The following KAZN variants were observed in gnomAD, a reference collection of about 807,000 sequenced individuals.
The protein encoded by KAZN is kazrin.
A neutral mutation model predicts 87.4 loss-of-function variants in KAZN; 40 were observed. The ratio of observed to expected loss-of-function variants is 0.46; its 90% CI spans 0.36 to 0.60. KAZN has a LOEUF of 0.60. Ranked by LOEUF, KAZN falls within the 20% of genes least tolerant of loss-of-function variation. The pLI is 0.00. For missense variants in KAZN, 898 were observed against 1,073.9 expected, an observed-to-expected ratio of 0.84 and a Z score of 2.29; for synonymous variants, 466 against 458.3, an observed-to-expected ratio of 1.02 and a Z score of -0.22.
At chr1:14,885,585 C>T (rs574041461) in intron 1 of KAZN, among the ~76,000 whole-genome samples, 6 of 152,156 alleles carry the variant, frequency 3.9e-5, no homozygotes, top group Admixed American at 1.3e-4. Flanking sequence ...TAGGTTCAAG[C>T]GATCCTCCCA....
chr1:14,805,551 G>T (rs969160650), intron 1 of KAZN, among the ~76,000 whole-genome samples: 2 of 152,076 alleles, frequency 1.3e-5, no homozygotes, highest in African/African-American at 2.4e-5. Flanking sequence ...CTGAGGTCAG[G>T]AGTTCGAGAC....
chr1:14,326,716 T>C (rs1371629361), intron 2 of KAZN, among the ~76,000 whole-genome samples: 1 of 152,210 alleles, frequency 6.6e-6, no homozygotes, highest in African/African-American at 2.4e-5. Context: ...GACCCCTGAA[T>C]GTCCCTTAAT....
At chr1:14,321,797 A>G (rs897095299) in intron 2 of KAZN, among the ~76,000 whole-genome samples, 2 of 152,174 alleles carry the variant, frequency 1.3e-5, no homozygotes, top group Admixed American at 1.3e-4. Flanking sequence ...AAGAGAGCAC[A>G]TTTCCTACTA....
chr1:14,211,590 G>A (rs1012772890), intron 2 of KAZN, among the ~76,000 whole-genome samples: 15 of 152,028 alleles, frequency 9.9e-5, no homozygotes, highest in African/African-American at 1.7e-4. Flanking sequence ...ATACATTGAC[G>A]GCAGAGAACT....
intron 2 of KAZN, among the ~76,000 whole-genome samples, chr1:14,343,065 C>T (rs571475856): frequency 7.2e-5 from 11 of 152,150 alleles, no homozygotes; most frequent in Admixed American, 2.6e-4. Context: ...CACTTGAACC[C>T]GGGAGGCGGA....
chr1:14,289,612 G>A (rs764736495), intron 2 of KAZN, among the ~76,000 whole-genome samples: 2 of 151,916 alleles, frequency 1.3e-5, no homozygotes, highest in Non-Finnish European at 2.9e-5. Context: ...ATAGCACACT[G>A]TTGGGTCTTG....
chr1:14,478,928 C>A (rs1035934406), intron 2 of KAZN, among the ~76,000 whole-genome samples: 3 of 152,166 alleles, frequency 2.0e-5, no homozygotes, highest in African/African-American at 7.2e-5. Context: ...GAAAATAATT[C>A]AGGGAAGAAG....
At chr1:14,249,899 ACTT>A (rs55886722) in intron 2 of KAZN, among the ~76,000 whole-genome samples, 15,380 of 152,016 alleles carry the variant, frequency 0.1, 1,630 homozygotes, top group African/African-American at 0.25. Flanking sequence ...TTAGGCAGAA[ACTT>A]CTTCTTCTGC....
chr1:14,118,110 G>A (rs6691343), intron 1 of KAZN, among the ~76,000 whole-genome samples: 18,640 of 152,066 alleles, frequency 0.12, 1,742 homozygotes, highest in African/African-American at 0.26. Context: ...GCTTTGGAGG[G>A]CAGCTCACAG....
chr1:14,655,038 C>G (rs1014926429), intron 1 of KAZN, among the ~76,000 whole-genome samples: 2 of 152,192 alleles, frequency 1.3e-5, no homozygotes, highest in African/African-American at 4.8e-5. Flanking sequence ...GCCTGTTAAG[C>G]TGTTGGGCCC....
At chr1:14,823,171 C>T (rs1433482088) in intron 1 of KAZN, among the ~76,000 whole-genome samples, 1 of 152,220 alleles carries the variant, frequency 6.6e-6, no homozygotes, top group Non-Finnish European at 1.5e-5. Context: ...GCCTCGGCCA[C>T]ACATGGGCAG....
chr1:14,085,171 C>T (rs1278910233), intron 1 of KAZN, among the ~76,000 whole-genome samples: 1 of 152,184 alleles, frequency 6.6e-6, no homozygotes, highest in Non-Finnish European at 1.5e-5. Flanking sequence ...TCTCTGAGAA[C>T]CACAGTGGTT....
At chr1:15,018,767 A>G (rs1368966275) in intron 2 of KAZN, among the ~76,000 whole-genome samples, 1 of 152,096 alleles carries the variant, frequency 6.6e-6, no homozygotes, top group Non-Finnish European at 1.5e-5. Context: ...GAATGCCAGA[A>G]GTAGACAGAC....
chr1:14,513,704 G>A (rs1424762084), intron 2 of KAZN, among the ~76,000 whole-genome samples: 1 of 152,048 alleles, frequency 6.6e-6, no homozygotes, highest in East Asian at 1.9e-4. Flanking sequence ...TTTAAAATTG[G>A]GACCTTATTT....
At position 14,675,008 on chromosome 1, in the gene KAZN, G is replaced by C. The variant is rs181103461; in HGVS notation, c.226+75785G>C. ...TTACTGTGTTGCCCAGGTTGGTCAGGATAATTTTATCTTCAAGGCTCCCAC... is the reference window on the plus strand; with the variant it reads ...TTACTGTGTTGCCCAGGTTGGTCAGCATAATTTTATCTTCAAGGCTCCCAC... On this transcript the variant is annotated intron_variant, in intron 1 of 14. Coordinates refer to ENST00000376030, the MANE Select transcript of KAZN (RefSeq NM_201628.3). 1.4e-3 allele frequency among the ~76,000 whole-genome samples: 210 copies of C among 152,290 alleles called. 1 individual carries two copies. The highest frequency in any genetic ancestry group is 9.8e-4 in the Non-Finnish European group (67 of 68,030).
At chr1:14,268,242 G>T (rs1281714259) in intron 2 of KAZN, among the ~76,000 whole-genome samples, 1 of 152,172 alleles carries the variant, frequency 6.6e-6, no homozygotes, top group Non-Finnish European at 1.5e-5. Context: ...ACAGTGCCTG[G>T]TACATAGTGC....
In KAZN at chr1:14,098,021, G is replaced by A. The variant is rs142154830; in HGVS notation, c.92-82414G>A. On this transcript the variant is annotated intron_variant, in intron 1 of 16. Transcript: ENST00000636203. ...CTCATTGAATCTTCACCACAACCTT[G>A]GAAGGTAGGATTTTTTTTTTTTATT... Among the ~76,000 whole-genome samples, 960 of 152,044 alleles carry A rather than the reference G, an allele frequency of 6.3e-3. 10 individuals are homozygous for A. The South Asian group carries it at 0.066, about 11-fold the overall frequency.
chr1:14,211,922 G>A (rs1003120357), intron 2 of KAZN, among the ~76,000 whole-genome samples: 8 of 151,742 alleles, frequency 5.3e-5, no homozygotes, highest in East Asian at 3.9e-4. Flanking sequence ...CCTTCACCCC[G>A]TTAATTTTGT....
intron 1 of KAZN, among the ~76,000 whole-genome samples, chr1:14,699,572 G>T (rs1033774202): frequency 6.6e-6 from 1 of 152,168 alleles, no homozygotes; most frequent in African/African-American, 2.4e-5. Context: ...GGCTGTAGAA[G>T]TTACAACAGT....
Sources: gnomAD v4.1 joint callset for allele counts (sites outside exome capture counted in the v4.1 genomes callset) on GRCh38, gnomAD v4.1.1 for gene constraint, MANE v1.5 for transcripts, NCBI Gene and HGNC (gene_info 2026-07-23, HGNC 2026-07-21) for gene names.